The following ANKRD44 variants were observed in gnomAD, a reference collection of about 807,000 sequenced individuals.
The protein encoded by ANKRD44 is ankyrin repeat domain 44.
A neutral mutation model predicts 116.0 loss-of-function variants in ANKRD44; 35 were observed. The observed-to-expected ratio is 0.30, with a 90% confidence interval of 0.23 to 0.40. The LOEUF is 0.40. ANKRD44 is among the 10% of genes least tolerant of loss of function. The probability of loss-of-function intolerance (pLI) is 1.00; values close to 1 mark genes in which losing one functional copy is unlikely to be tolerated. For missense variants in ANKRD44, 1,014 were observed against 1,242.6 expected (o/e 0.82, Z 2.77); for synonymous variants, 435 against 461.8 (o/e 0.94, Z 0.74).
chr2:196,974,238 A>G (rs2075740710), intron 21 of ANKRD44, among the ~76,000 whole-genome samples: 1 of 152,052 alleles, frequency 6.6e-6, no homozygotes, highest in African/African-American at 2.4e-5. Context: ...GTGCACCACC[A>G]TGCCTGACTA....
chr2:197,277,379 G>C (rs2083122940), intron 1 of ANKRD44, among the ~76,000 whole-genome samples: 1 of 152,032 alleles, frequency 6.6e-6, no homozygotes, highest in African/African-American at 2.4e-5. Flanking sequence ...AAATACCAGT[G>C]AAGTGCTATG....
intron 1 of ANKRD44, among the ~76,000 whole-genome samples, chr2:197,285,100 C>G (rs951352977): frequency 3.3e-5 from 5 of 151,760 alleles, no homozygotes; most frequent in African/African-American, 1.2e-4. Context: ...GTATCACCCA[C>G]TAGTCTCTAC....
chr2:197,122,837 C>A (rs755645866), intron 6 of ANKRD44, 45 bp from the exon 7 acceptor site: 3 of 1,587,754 alleles, frequency 1.9e-6, no homozygotes, highest in Admixed American at 1.8e-5. Context: ...CTTTATAGGA[C>A]AATTTGCTGA....
At chr2:197,244,927 A>C (rs1233641943) in intron 1 of ANKRD44, among the ~76,000 whole-genome samples, 1 of 152,204 alleles carries the variant, frequency 6.6e-6, no homozygotes, top group Non-Finnish European at 1.5e-5. Context: ...CCATTGGTTT[A>C]ATTCAACCAA....
At chr2:197,023,566 A>G (rs1264505384) in intron 17 of ANKRD44, among the ~76,000 whole-genome samples, 1 of 151,868 alleles carries the variant, frequency 6.6e-6, no homozygotes, top group Non-Finnish European at 1.5e-5. Flanking sequence ...CAACAAATAC[A>G]CTGTGGAAAA....
At chr2:197,219,727 G>A (rs1236921399) in intron 1 of ANKRD44, among the ~76,000 whole-genome samples, 1 of 152,126 alleles carries the variant, frequency 6.6e-6, no homozygotes, top group East Asian at 1.9e-4. Context: ...ATCATGTGGT[G>A]TAAATCACTG....
intron 2 of ANKRD44, among the ~76,000 whole-genome samples, chr2:197,175,686 A>G (rs192069188): frequency 1.9e-4 from 29 of 152,360 alleles, no homozygotes; most frequent in Middle Eastern, 3.4e-3. Flanking sequence ...TAAATTGACC[A>G]AGAAAGTACA....
intron 2 of ANKRD44, among the ~76,000 whole-genome samples, chr2:197,183,487 C>T (rs2080567295): frequency 6.6e-6 from 1 of 152,130 alleles, no homozygotes; most frequent in South Asian, 2.1e-4. Flanking sequence ...ATGTGTCCTC[C>T]ATCTGTCTAT....
intron 9 of ANKRD44, among the ~76,000 whole-genome samples, chr2:197,109,353 AG>A: frequency 6.6e-6 from 1 of 152,252 alleles, no homozygotes. Flanking sequence ...TCAAAGGCAT[AG>A]CACATATTTC....
At chr2:197,276,221 G>C (rs1357479601) in intron 1 of ANKRD44, among the ~76,000 whole-genome samples, 2 of 148,486 alleles carry the variant, frequency 1.3e-5, no homozygotes, top group African/African-American at 4.9e-5. Context: ...GTTGCAGGGG[G>C]CTGAAATCAT....
At chr2:197,000,557 C>T in intron 22 of ANKRD44, 55 bp from the exon 23 acceptor site, 1 of 1,367,268 alleles carries the variant, frequency 7.3e-7, no homozygotes, top group Non-Finnish European at 1.0e-6. Context: ...ATTATATCAC[C>T]TCCTAACCCA....
At chr2:197,232,393 C>T (rs958462607) in intron 1 of ANKRD44, among the ~76,000 whole-genome samples, 1 of 151,970 alleles carries the variant, frequency 6.6e-6, no homozygotes, top group Non-Finnish European at 1.5e-5. Context: ...GAAGAAGAGC[C>T]CCTTAATGTC....
chr2:196,978,267 CCT>C (rs1050960066), intron 21 of ANKRD44, among the ~76,000 whole-genome samples: 1 of 150,528 alleles, frequency 6.6e-6, no homozygotes, highest in African/African-American at 2.4e-5. Flanking sequence ...GCACCTCTCC[CCT>C]CTCTCTCCTG....
chr2:197,063,407 C>T (rs1015963076), intron 16 of ANKRD44, among the ~76,000 whole-genome samples: 2 of 152,200 alleles, frequency 1.3e-5, no homozygotes, highest in Admixed American at 1.3e-4. Flanking sequence ...TCTCCCCCTC[C>T]AAAGGAACGC....
chr2:197,113,819 A>G (rs1443546412), intron 8 of ANKRD44, among the ~76,000 whole-genome samples: 26 of 152,212 alleles, frequency 1.7e-4, no homozygotes, highest in Admixed American at 1.7e-3. Context: ...CTTTGCATCC[A>G]TCTTTGCAGA....
intron 21 of ANKRD44, among the ~76,000 whole-genome samples, chr2:196,979,382 C>CAAAAAA (rs778459937): frequency 2.5e-4 from 10 of 40,554 alleles, no homozygotes; most frequent in South Asian, 2.1e-3. Context: ...GACTCCGTCT[C>CAAAAAA]AAAAAAAAAA....
intron 1 of ANKRD44, among the ~76,000 whole-genome samples, chr2:197,202,654 G>T (rs1345026120): frequency 3.3e-5 from 5 of 152,046 alleles, no homozygotes; most frequent in African/African-American, 1.2e-4. Flanking sequence ...TTCACTGCAA[G>T]CTCGACCTCC....
intron 16 of ANKRD44, among the ~76,000 whole-genome samples, chr2:197,068,414 A>AT (rs1553500828): frequency 1.4e-5 from 2 of 147,968 alleles, no homozygotes; most frequent in African/African-American, 5.0e-5. Context: ...TAAAATAAAA[A>AT]AAAATAAAAC....
intron 2 of ANKRD44, among the ~76,000 whole-genome samples, chr2:197,161,229 C>T (rs1260026664): frequency 2.0e-5 from 3 of 151,910 alleles, no homozygotes; most frequent in Non-Finnish European, 4.4e-5. Context: ...CAGCACTTTT[C>T]GAAGATAAGG....
Sources: allele counts gnomAD v4.1 joint callset (sites outside exome capture counted in the v4.1 genomes callset), GRCh38; gene constraint gnomAD v4.1.1; transcripts MANE v1.5; gene names NCBI Gene and HGNC (gene_info 2026-07-23, HGNC 2026-07-21).